BSPH1: variants seen among roughly 807,000 people sequenced by gnomAD.
BSPH1 encodes binder of sperm 1.
Under a neutral mutation model 22.5 loss-of-function variants are expected in BSPH1, and 21 were observed. The observed-to-expected ratio is 0.93, with a 90% CI of 0.66 to 1.35. The LOEUF (loss-of-function observed/expected upper bound fraction) is 1.35, where lower values mean the gene tolerates loss of function less well. Ranked by LOEUF, BSPH1 falls within the 40% of genes most tolerant of loss-of-function variation. The pLI is 0.00. For missense variants in BSPH1, 141 were observed against 154.2 expected, an observed-to-expected ratio of 0.91 and a Z score of 0.45; for synonymous variants, 42 against 53.6, an observed-to-expected ratio of 0.78 and a Z score of 0.95.
intron 5 of BSPH1, 110 bp downstream of exon 5, chr19:47,976,600 A>AC (rs1193475575): frequency 3.7e-6 from 3 of 803,020 alleles, no homozygotes; most frequent in African/African-American, 1.8e-5. Flanking sequence ...AAAAAAACAA[A>AC]AAAAAACCCT....
In BSPH1 at chr19:47,980,937, T is replaced by C. The variant is rs951974029; in HGVS notation, c.78A>G (p.Glu26=). The C allele has an allele frequency of 3.4e-6, 5 of 1,451,500 alleles. No homozygotes were observed. Among genetic ancestry groups the C allele is most frequent in the Non-Finnish European group, 4.6e-6 (5 of 1,085,580 alleles). The allele number at this position is 1,451,500 out of a possible 1,614,324, so 89.9% of individuals were successfully genotyped here. ...SACIFPVILN[E]LSSTVETITH... Reference sequence around the variant, plus strand: ...TCAACTCACCCACAGTTGATGATAATTCATCTGAAAAACACAATTTTGAAC... The same window carrying C: ...TCAACTCACCCACAGTTGATGATAACTCATCTGAAAAACACAATTTTGAAC... The change falls in exon 2 of 6, where the codon GAA becomes GAG. Residue 26 remains glutamate, a synonymous_variant. Coordinates refer to ENST00000344839, the MANE Select transcript of BSPH1 (RefSeq NM_001128326.2).
At chr19:47,975,711 A>C (rs1351737597) in intron 5 of BSPH1, among the ~76,000 whole-genome samples, 14 of 141,244 alleles carry the variant, frequency 9.9e-5, no homozygotes. Flanking sequence ...GCTGGAGTGC[A>C]GTGGTGCGAT....
chr19:47,977,233 G>A (rs886732401), intron 4 of BSPH1, 140 bp downstream of exon 4: 13 of 636,182 alleles, frequency 2.0e-5, no homozygotes, highest in South Asian at 1.7e-4. Context: ...TTTTTATATC[G>A]TCAGAAATCG....
At chr19:47,970,350 C>T (rs1487159480) in intron 5 of BSPH1, among the ~76,000 whole-genome samples, 1 of 152,168 alleles carries the variant, frequency 6.6e-6, no homozygotes, top group Admixed American at 6.5e-5. Flanking sequence ...TGAACGACTG[C>T]GCCTGGTCAA....
rs1969283674 is a variant in BSPH1, at chr19:47,968,942, T to A, written c.*3-733A>T. On this transcript the variant is annotated intron_variant, in intron 5 of 5. Coordinates refer to ENST00000344839, the MANE Select transcript of BSPH1 (RefSeq NM_001128326.2). ...TGAACATGGGAGGCGGAGGTTGCAG[T>A]GAGCCGAGATCACACCATTGCACTC... is the stretch of plus-strand genomic sequence containing the variant. Among the ~76,000 whole-genome samples, 6 of 144,752 alleles carry A rather than the reference T, an allele frequency of 4.1e-5. No individual in the cohort carries two copies. In the South Asian group the frequency reaches 1.3e-3, roughly 31 times the overall value. The allele number at this position is 144,752 out of a possible 152,430, so 95.0% of individuals were successfully genotyped here.
intron 5 of BSPH1, among the ~76,000 whole-genome samples, chr19:47,972,423 TATC>T (rs1969318903): frequency 6.6e-6 from 1 of 152,148 alleles, no homozygotes; most frequent in African/African-American, 2.4e-5. Flanking sequence ...GTAATTTTTG[TATC>T]ATCTCCCTCC....
rs375343426 is a variant in BSPH1 at position 47,977,316 on chromosome 19, T to G, written c.256+57A>C. 3 of 1,390,110 alleles carry G rather than the reference T, an allele frequency of 2.2e-6. No individual in the cohort carries two copies. The African/African-American group carries it at 4.3e-5, about 20-fold the overall frequency. The allele number at this position is 1,390,110 out of a possible 1,614,324, so 86.1% of individuals were successfully genotyped here. ...GAACCCTCTTGTGTTTTGCCTCAGA[T>G]CCCAGCCTCAGAGACCAAGATTACT... On this transcript the variant is annotated intron_variant, in intron 4 of 5. Coordinates refer to ENST00000344839, the MANE Select transcript of BSPH1 (RefSeq NM_001128326.2).
chr19:47,992,044 C>T lies in BSPH1; in HGVS notation c.38G>A (p.Arg13Gln), dbSNP rs559555937. The change falls in exon 1 of 6, where the codon CGA becomes CAA. Residue 13 changes from arginine (R) to glutamine (Q), a missense_variant. Arg to Gln is a conservative substitution (Grantham distance 43). Transcript: ENST00000344839. ...SLMLLFVETT[R>Q]NSSACIFPVI... ...AGGGAAGATGCAAGCTGAGGAATTTCGCGTCGTTTCCACGAAGAGAAGCAT... is the reference window on the plus strand; with the variant it reads ...AGGGAAGATGCAAGCTGAGGAATTTTGCGTCGTTTCCACGAAGAGAAGCAT... The T allele has an allele frequency of 2.8e-4, 430 of 1,551,042 alleles. No homozygotes were observed. Among genetic ancestry groups the T allele is most frequent in the South Asian group, 1.3e-3 (107 of 84,032 alleles).
rs570158337 is a variant in BSPH1 at position 47,976,215 on chromosome 19, C to G, written c.*2+495G>C. Among the ~76,000 whole-genome samples the G allele has an allele frequency of 2.0e-5, 3 of 152,228 alleles. No individual in the cohort carries two copies. In the East Asian group the frequency reaches 5.8e-4, roughly 29 times the overall value. Reference sequence around the variant, plus strand: ...TCACAACTCAATGCAACCTTGAACTCTTGAACTCAGGTGATTCTCCTGCCT... The same window carrying G: ...TCACAACTCAATGCAACCTTGAACTGTTGAACTCAGGTGATTCTCCTGCCT... On this transcript the variant is annotated intron_variant, in intron 5 of 5. Coordinates refer to ENST00000344839, the MANE Select transcript of BSPH1 (RefSeq NM_001128326.2).
At chr19:47,978,575 T>C (rs562060227) in intron 3 of BSPH1, among the ~76,000 whole-genome samples, 76 of 152,356 alleles carry the variant, frequency 5.0e-4, no homozygotes, top group African/African-American at 1.7e-3. Flanking sequence ...CAAAGCAAGG[T>C]TGCAAGGACA....
intron 1 of BSPH1, among the ~76,000 whole-genome samples, chr19:47,991,450 C>T (rs566484195): frequency 6.7e-6 from 1 of 149,700 alleles, no homozygotes; most frequent in African/African-American, 2.5e-5. Flanking sequence ...TCCTTCTCCT[C>T]TCCTCCTCCT....
rs1969332317 is a variant in BSPH1, at chr19:47,973,593, TGA to T, written c.*2+3115_*2+3116del. ...CTGGTTGAAATTCTGGTTCAACATT[TGA>T]GAGTTGCTGGTTGCTACAACAGTTG... On this transcript the variant is annotated intron_variant, in intron 5 of 5. Coordinates refer to ENST00000344839, the MANE Select transcript of BSPH1 (RefSeq NM_001128326.2). Among the ~76,000 whole-genome samples the T allele has an allele frequency of 3.3e-5, 5 of 152,216 alleles. No homozygotes were observed. In the South Asian group the frequency reaches 1.0e-3, roughly 31 times the overall value.
chr19:47,972,889 G>C (rs1969323208), intron 5 of BSPH1, among the ~76,000 whole-genome samples: 1 of 145,956 alleles, frequency 6.9e-6, no homozygotes, highest in Non-Finnish European at 1.5e-5. Context: ...ACGTAATTGA[G>C]AGCATATCCA....
chr19:47,976,599 A>AAAC (rs1969366442), intron 5 of BSPH1, 111 bp downstream of exon 5: 1 of 798,856 alleles, frequency 1.3e-6, no homozygotes, highest in East Asian at 2.8e-5. Context: ...AAAAAAAACA[A>AAAC]AAAAAAACCC....
Position 47,972,824 on chromosome 19 carries a change from C to CGT in BSPH1, c.*2+3884_*2+3885dup, listed in dbSNP as rs539944224. ...CAGTTTTATTTCCTTCCTATATATG[C>CGT]GTGTGTGTGTGTGTGTATACCCACA... On this transcript the variant is annotated intron_variant, in intron 5 of 5. Coordinates refer to ENST00000344839, the MANE Select transcript of BSPH1 (RefSeq NM_001128326.2). Among the ~76,000 whole-genome samples, 509 of 149,838 alleles carry CGT rather than the reference C, an allele frequency of 3.4e-3. 5 individuals carry two copies. Among genetic ancestry groups the CGT allele is most frequent in the East Asian group, 0.027 (139 of 5,068 alleles).
chr19:47,967,272 T>C (rs1969268514), downstream of BSPH1, among the ~76,000 whole-genome samples: 1 of 152,260 alleles, frequency 6.6e-6, no homozygotes, highest in Non-Finnish European at 1.5e-5. Context: ...TTCACTTAGA[T>C]GGCCTCCAGC....
At chr19:47,990,118 CAAAAAAAA>C (rs11329791) in intron 1 of BSPH1, among the ~76,000 whole-genome samples, 43 of 99,682 alleles carry the variant, frequency 4.3e-4, no homozygotes, top group Admixed American at 1.3e-3. Flanking sequence ...GACTCCATCT[CAAAAAAAA>C]AAAAAAAAAA....
At chr19:47,979,973 A>G (rs1470050711) in intron 2 of BSPH1, among the ~76,000 whole-genome samples, 1 of 152,136 alleles carries the variant, frequency 6.6e-6, no homozygotes, top group Non-Finnish European at 1.5e-5. Context: ...CCACATAGCC[A>G]TATTACTTTA....
At chr19:47,978,011 TATATATATATATATATATAG>T (rs1418780914) in intron 3 of BSPH1, among the ~76,000 whole-genome samples, 2 of 105,084 alleles carry the variant, frequency 1.9e-5, no homozygotes, top group Non-Finnish European at 4.1e-5. Context: ...GATATATATA[TATATATATATATATATATAG>T]TTATAGGTGC....
Sources: gnomAD v4.1 joint callset for allele counts (sites outside exome capture counted in the v4.1 genomes callset) on GRCh38, gnomAD v4.1.1 for gene constraint, MANE v1.5 for transcripts, NCBI Gene and HGNC (gene_info 2026-07-23, HGNC 2026-07-21) for gene names.